The following PXDNL variants were observed in gnomAD, a reference collection of about 807,000 sequenced individuals.
PXDNL encodes the protein probable oxidoreductase PXDNL.
Under a neutral mutation model 150.8 loss-of-function variants are expected in PXDNL, and 145 were observed. That is an observed-to-expected ratio of 0.96 (90% CI 0.84 to 1.10). The LOEUF (loss-of-function observed/expected upper bound fraction) is 1.10. Ranked by LOEUF, PXDNL falls within the 50% of genes least tolerant of loss-of-function variation. The pLI is 0.00. For synonymous variants in PXDNL, 757 were observed against 725.7 expected, an observed-to-expected ratio of 1.04 and a Z score of -0.69; for missense variants, 2,087 against 1,873.9, an observed-to-expected ratio of 1.11 and a Z score of -2.10.
intron 1 of PXDNL, among the ~76,000 whole-genome samples, chr8:51,709,659 C>A (rs952765087): frequency 2.0e-5 from 3 of 152,072 alleles, no homozygotes; most frequent in Non-Finnish European, 2.9e-5. Flanking sequence ...TACTAAATTT[C>A]TACAAAGAAA....
intron 1 of PXDNL, among the ~76,000 whole-genome samples, chr8:51,804,996 A>G (rs1016459497): frequency 5.3e-5 from 8 of 151,670 alleles, no homozygotes; most frequent in African/African-American, 1.2e-4. Context: ...CCTTCCTTCC[A>G]GAACAGCCTC....
At chr8:51,600,507 T>C (rs998815554) in intron 2 of PXDNL, among the ~76,000 whole-genome samples, 6 of 136,542 alleles carry the variant, frequency 4.4e-5, no homozygotes, top group South Asian at 4.7e-4. Context: ...GATAATAAAT[T>C]ATATCTTATA....
chr8:51,550,574 C>CA (rs1235194810), intron 4 of PXDNL, among the ~76,000 whole-genome samples: 1 of 151,934 alleles, frequency 6.6e-6, no homozygotes, highest in Admixed American at 6.6e-5. Context: ...AGAATTAAAA[C>CA]AAAAAATCGT....
intron 4 of PXDNL, among the ~76,000 whole-genome samples, chr8:51,551,914 C>T (rs983800951): frequency 7.9e-5 from 12 of 152,148 alleles, no homozygotes; most frequent in Admixed American, 5.2e-4. Flanking sequence ...AAAATATTTG[C>T]AAACTATGCA....
chr8:51,469,969 T>C (rs761348965), intron 8 of PXDNL, among the ~76,000 whole-genome samples: 1 of 152,100 alleles, frequency 6.6e-6, no homozygotes, highest in Non-Finnish European at 1.5e-5. Flanking sequence ...TCCTTTCAAA[T>C]ACATCTTAGC....
At chr8:51,802,440 C>T (rs970027751) in intron 1 of PXDNL, among the ~76,000 whole-genome samples, 3 of 152,094 alleles carry the variant, frequency 2.0e-5, no homozygotes, top group African/African-American at 4.8e-5. Flanking sequence ...AAAGCAAATT[C>T]GTAAACTTTC....
At chr8:51,517,005 T>C (rs1260374952) in intron 4 of PXDNL, among the ~76,000 whole-genome samples, 2 of 152,220 alleles carry the variant, frequency 1.3e-5, no homozygotes. Context: ...GCATGTTCTG[T>C]ATATTCTTCC....
At chr8:51,384,487 C>T (rs564970941) in intron 17 of PXDNL, among the ~76,000 whole-genome samples, 4 of 152,100 alleles carry the variant, frequency 2.6e-5, no homozygotes, top group African/African-American at 9.6e-5. Flanking sequence ...AAAGCTATCT[C>T]GGGACTCTAG....
At chr8:51,383,089 A>G (rs946384126) in intron 17 of PXDNL, among the ~76,000 whole-genome samples, 2 of 152,250 alleles carry the variant, frequency 1.3e-5, no homozygotes, top group Non-Finnish European at 2.9e-5. Context: ...GTTTGGAAAA[A>G]TAAATCCTCT....
chr8:51,327,586 G>T (rs1458650847), intron 21 of PXDNL, among the ~76,000 whole-genome samples: 4 of 152,166 alleles, frequency 2.6e-5, no homozygotes, highest in Non-Finnish European at 5.9e-5. Context: ...CAATACTTTT[G>T]CTCAGTGTAC....
At chr8:51,383,073 G>C (rs879405087) in intron 17 of PXDNL, among the ~76,000 whole-genome samples, 19 of 152,188 alleles carry the variant, frequency 1.2e-4, no homozygotes, top group Non-Finnish European at 2.2e-4. Flanking sequence ...ATCATGTAGA[G>C]CCTATGTTTG....
intron 5 of PXDNL, among the ~76,000 whole-genome samples, chr8:51,484,978 G>A (rs1810696105): frequency 6.6e-6 from 1 of 152,158 alleles, no homozygotes; most frequent in African/African-American, 2.4e-5. Flanking sequence ...TAAGACTCAA[G>A]GATATGAGCA....
intron 5 of PXDNL, among the ~76,000 whole-genome samples, chr8:51,491,759 G>A (rs1166932818): frequency 2.6e-5 from 4 of 152,154 alleles, no homozygotes; most frequent in Non-Finnish European, 5.9e-5. Context: ...GTGGTTTATT[G>A]CTACACCACA....
intron 3 of PXDNL, among the ~76,000 whole-genome samples, chr8:51,583,116 A>T (rs1360124931): frequency 6.6e-6 from 1 of 152,204 alleles, no homozygotes; most frequent in Non-Finnish European, 1.5e-5. Context: ...TACTAAGAAC[A>T]AGGTGCCAAA....
chr8:51,409,349 C>T lies in PXDNL; in HGVS notation c.2275G>A (p.Asp759Asn), dbSNP rs1356778090. ...FARLLQPAYRDGIRAPRGLGL... is the reference protein window; with the variant it reads ...FARLLQPAYRNGIRAPRGLGL... ...AGCCCGCGGGGCGCGCGGATGCCGTCCCGGTAGGCTGGCTGCAGCAGGCGC... is the reference window on the plus strand; with the variant it reads ...AGCCCGCGGGGCGCGCGGATGCCGTTCCGGTAGGCTGGCTGCAGCAGGCGC... Residue 759 changes from aspartate (D) to asparagine (N), a missense_variant, in exon 17 of 23, where the codon GAC (aspartate) becomes AAC (asparagine). Coordinates refer to ENST00000356297, the MANE Select transcript of PXDNL (RefSeq NM_144651.5). 1.3e-6 allele frequency: 2 copies of T among 1,528,226 alleles called. No homozygotes were observed. 94.7% of individuals were successfully genotyped at this position (1,528,226 alleles called of 1,614,324 possible).
chr8:51,434,020 A>C (rs1809326949), intron 12 of PXDNL, among the ~76,000 whole-genome samples: 1 of 151,942 alleles, frequency 6.6e-6, no homozygotes, highest in African/African-American at 2.4e-5. Context: ...AGCTCTTTTA[A>C]GATTTTGTCC....
At position 51,659,857 on chromosome 8, in the gene PXDNL, GTATTTATTTATT is replaced by G. The variant is rs35068146; in HGVS notation, c.165-5109_165-5098del. ...ATGACTGTCCAATTCACAAATTGCA[GTATTTATTTATT>G]TATTTATTTATTTATTTATTTATTT... On this transcript the variant is annotated intron_variant, in intron 1 of 22. Coordinates refer to ENST00000356297, the MANE Select transcript of PXDNL (RefSeq NM_144651.5). Among the ~76,000 whole-genome samples, 317 of 146,028 alleles carry G rather than the reference GTATTTATTTATT, an allele frequency of 2.2e-3. 2 individuals carry two copies. The highest frequency in any genetic ancestry group is 4.7e-3 in the African/African-American group (185 of 39,178).
In PXDNL at chr8:51,700,812, A is replaced by G. The variant is rs554366675; in HGVS notation, c.165-46052T>C. Among the ~76,000 whole-genome samples, 3 of 152,086 alleles carry G rather than the reference A, an allele frequency of 2.0e-5. No individual in the cohort carries two copies. The South Asian group carries it at 6.2e-4, about 32-fold the overall frequency. On this transcript the variant is annotated intron_variant, in intron 1 of 22. Transcript: ENST00000356297. ...TAAACACATACACACAAATGCATAT[A>G]CACACATATGCACACATACACACAT...
chr8:51,663,717 G>A (rs756169392), intron 1 of PXDNL, among the ~76,000 whole-genome samples: 9 of 152,182 alleles, frequency 5.9e-5, no homozygotes, highest in Non-Finnish European at 8.8e-5. Context: ...TCTACCAGCA[G>A]GTGTCACTAA....
Sources: allele counts gnomAD v4.1 joint callset (sites outside exome capture counted in the v4.1 genomes callset), GRCh38; gene constraint gnomAD v4.1.1; transcripts MANE v1.5; gene names NCBI Gene and HGNC (gene_info 2026-07-23, HGNC 2026-07-21).